RSU1: variants seen among roughly 807,000 people sequenced by gnomAD.
The protein encoded by RSU1 is rsu-1.
A neutral mutation model predicts 31.1 loss-of-function variants in RSU1; 26 were observed. The ratio of observed to expected loss-of-function variants is 0.84; its 90% confidence interval spans 0.61 to 1.16. RSU1 has a LOEUF of 1.16. Among genes scored for constraint, RSU1 ranks in the 50% most tolerant of loss-of-function variants. RSU1 has a pLI of 0.00. For synonymous variants in RSU1, 164 were observed against 136.3 expected (o/e 1.20, Z -1.41); for missense variants, 320 against 339.1 (o/e 0.94, Z 0.44).
In RSU1 at chr10:16,599,101, T is replaced by C. The variant is rs191499179; in HGVS notation, c.732-5605A>G. ...CTCTGAAGCTAACACTCGTGGCTTG[T>C]GTTTTGCATGTACCTGGATTGAATT... On this transcript the variant is annotated intron_variant, in intron 8 of 8. Transcript: ENST00000345264. Among the ~76,000 whole-genome samples, 112 of 152,274 alleles carry C rather than the reference T, an allele frequency of 7.4e-4. No homozygotes were observed. In the South Asian group the frequency reaches 9.8e-3, roughly 13 times the overall value.
intron 2 of RSU1, among the ~76,000 whole-genome samples, chr10:16,785,437 T>TACAC (rs780607775): frequency 0.053 from 7,274 of 136,244 alleles, 423 homozygotes; most frequent in East Asian, 0.13. Flanking sequence ...CATATATATA[T>TACAC]ATACACATAT....
At chr10:16,787,143 G>C (rs967517168) in intron 2 of RSU1, among the ~76,000 whole-genome samples, 16 of 152,088 alleles carry the variant, frequency 1.1e-4, no homozygotes, top group African/African-American at 3.1e-4. Flanking sequence ...GACAAAATGT[G>C]CCCTTTGGAG....
intron 7 of RSU1, among the ~76,000 whole-genome samples, chr10:16,714,331 C>T (rs1564328797): frequency 1.3e-5 from 2 of 152,242 alleles, no homozygotes; most frequent in South Asian, 4.1e-4. Flanking sequence ...GGGCTGGATG[C>T]CAGTGTGAAA....
At chr10:16,617,866 AAACC>A (rs1158748803) in intron 8 of RSU1, among the ~76,000 whole-genome samples, 1 of 152,278 alleles carries the variant, frequency 6.6e-6, no homozygotes, top group African/African-American at 2.4e-5. Flanking sequence ...GTAAAACCCA[AAACC>A]ATAAAATCCC....
At chr10:16,715,720 T>C (rs1056480463) in intron 7 of RSU1, among the ~76,000 whole-genome samples, 2 of 152,232 alleles carry the variant, frequency 1.3e-5, no homozygotes, top group African/African-American at 2.4e-5. Flanking sequence ...TGTAGCAAGT[T>C]TGAAATCAGG....
intron 3 of RSU1, among the ~76,000 whole-genome samples, chr10:16,766,882 G>A (rs987789861): frequency 1.1e-4 from 16 of 151,316 alleles, no homozygotes; most frequent in Admixed American, 6.6e-4. Flanking sequence ...ATAATTAGCT[G>A]GGCATGGTGG....
rs558219581 is a variant in RSU1 at position 16,669,260 on chromosome 10, T to C, written c.731+25763A>G. 2.0e-5 allele frequency among the ~76,000 whole-genome samples: 3 copies of C among 152,280 alleles called. No homozygotes were observed. The East Asian group carries it at 5.8e-4, about 29-fold the overall frequency. On this transcript the variant is annotated intron_variant, in intron 8 of 8. Transcript: ENST00000345264. ...CATTAAAATAATGCGCTCACGATCATGTGACCACCCAGAATGTAGAACTGT... is the reference window on the plus strand; with the variant it reads ...CATTAAAATAATGCGCTCACGATCACGTGACCACCCAGAATGTAGAACTGT...
intron 8 of RSU1, among the ~76,000 whole-genome samples, chr10:16,617,908 A>C (rs948841893): frequency 6.6e-6 from 1 of 152,244 alleles, no homozygotes; most frequent in Non-Finnish European, 1.5e-5. Context: ...AATTCCATTC[A>C]GGACATAGGC....
chr10:16,809,210 C>A (rs1306368082), intron 2 of RSU1, among the ~76,000 whole-genome samples: 1 of 152,180 alleles, frequency 6.6e-6, no homozygotes, highest in African/African-American at 2.4e-5. Flanking sequence ...GGGGACACTG[C>A]AAATTCCATT....
intron 8 of RSU1, among the ~76,000 whole-genome samples, chr10:16,602,691 C>T (rs1287834726): frequency 1.3e-5 from 2 of 152,184 alleles, no homozygotes; most frequent in Non-Finnish European, 2.9e-5. Context: ...ATATGTATCC[C>T]TACTGTTGTT....
chr10:16,703,847 T>C (rs528940527), intron 7 of RSU1, among the ~76,000 whole-genome samples: 1 of 152,370 alleles, frequency 6.6e-6, no homozygotes. Context: ...TGGTTATTTT[T>C]GGATGACAGA....
rs552201806 is a variant in RSU1 at position 16,795,052 on chromosome 10, G to A, written c.110-12968C>T. Among the ~76,000 whole-genome samples, 278 of 152,286 alleles carry A rather than the reference G, an allele frequency of 1.8e-3. 1 individual carries two copies. Among genetic ancestry groups the A allele is most frequent in the African/African-American group, 6.5e-3 (270 of 41,558 alleles). On this transcript the variant is annotated intron_variant, in intron 2 of 8. Transcript: ENST00000345264. Reference sequence around the variant, plus strand: ...GAGCACTTTACATATGTGTTCACTAGAATCAAAAATGTTAGAACAGTCCCG... The same window carrying A: ...GAGCACTTTACATATGTGTTCACTAAAATCAAAAATGTTAGAACAGTCCCG...
In RSU1 at chr10:16,634,221, G is replaced by A. The variant is rs113361544; in HGVS notation, c.732-40725C>T. The stretch of plus-strand genomic sequence containing the variant: ...GCGCAAAGATGGCCCTGGGGCTACC[G>A]ACTCTGTCTGGTGGGAGGAAACAGA... On this transcript the variant is annotated intron_variant, in intron 8 of 8. Coordinates refer to ENST00000345264, the MANE Select transcript of RSU1 (RefSeq NM_012425.4). Among the ~76,000 whole-genome samples the A allele has an allele frequency of 5.9e-5, 9 of 152,316 alleles. 1 individual carries two copies. Among genetic ancestry groups the A allele is most frequent in the African/African-American group, 1.4e-4 (6 of 41,574 alleles).
intron 2 of RSU1, among the ~76,000 whole-genome samples, chr10:16,805,624 G>T (rs371476275): frequency 6.7e-6 from 1 of 149,226 alleles, no homozygotes; most frequent in Non-Finnish European, 1.5e-5. Flanking sequence ...TGCAGTGAGC[G>T]GAGATCACGC....
chr10:16,699,589 C>T (rs971118343), intron 7 of RSU1, among the ~76,000 whole-genome samples: 9 of 152,208 alleles, frequency 5.9e-5, no homozygotes, highest in African/African-American at 1.9e-4. Flanking sequence ...AGTTAGGAGC[C>T]CTCACCCATC....
intron 7 of RSU1, among the ~76,000 whole-genome samples, chr10:16,713,863 C>T (rs944552447): frequency 1.3e-5 from 2 of 151,956 alleles, no homozygotes; most frequent in African/African-American, 4.8e-5. Context: ...GTAGATAGGT[C>T]CCAAGGTGTC....
At chr10:16,645,415 A>C (rs1221520190) in intron 8 of RSU1, among the ~76,000 whole-genome samples, 1 of 151,894 alleles carries the variant, frequency 6.6e-6, no homozygotes, top group African/African-American at 2.4e-5. Context: ...GAAAATCCAA[A>C]CATTTCATTG....
intron 8 of RSU1, among the ~76,000 whole-genome samples, chr10:16,631,377 T>A (rs1388478298): frequency 6.6e-6 from 1 of 152,118 alleles, no homozygotes; most frequent in African/African-American, 2.4e-5. Context: ...TGGCCACATC[T>A]CAGAGAGTGC....
chr10:16,756,176 G>A (rs1837081093), intron 4 of RSU1, among the ~76,000 whole-genome samples: 1 of 152,098 alleles, frequency 6.6e-6, no homozygotes, highest in Non-Finnish European at 1.5e-5. Context: ...GATGGCCAGG[G>A]GCTGGAGGGA....
Sources: allele counts gnomAD v4.1 joint callset (sites outside exome capture counted in the v4.1 genomes callset), GRCh38; gene constraint gnomAD v4.1.1; transcripts MANE v1.5; gene names NCBI Gene and HGNC (gene_info 2026-07-23, HGNC 2026-07-21).